The following MNAT1 variants were observed in gnomAD, a reference collection of about 807,000 sequenced individuals.
The protein encoded by MNAT1 is CDK-activating kinase assembly factor MAT1.
A neutral mutation model predicts 42.0 loss-of-function variants in MNAT1; 43 were observed. The ratio of observed to expected loss-of-function variants is 1.02; its 90% CI spans 0.80 to 1.32. The LOEUF is 1.32. Ranked by LOEUF, MNAT1 falls within the 40% of genes most tolerant of loss-of-function variation. MNAT1 has a pLI of 0.00. For synonymous variants in MNAT1, 118 were observed against 120.0 expected (o/e 0.98, Z 0.11); for missense variants, 306 against 350.4 (o/e 0.87, Z 1.01).
Position 60,756,617 on chromosome 14 carries a change from T to C in MNAT1, c.89+21666T>C, listed in dbSNP as rs568432032. Among the ~76,000 whole-genome samples the C allele has an allele frequency of 3.3e-5, 5 of 152,258 alleles. No individual in the cohort carries two copies. In the East Asian group the frequency reaches 9.6e-4, roughly 29 times the overall value. ...GAACTTCTGCCAACTGGAAATCAAT[T>C]AAAATGAAAATAAAGCAAGTATAAA... On this transcript the variant is annotated intron_variant, in intron 1 of 7. Coordinates refer to ENST00000261245, the MANE Select transcript of MNAT1 (RefSeq NM_002431.4).
chr14:60,907,406 C>T (rs1490906119), intron 7 of MNAT1, among the ~76,000 whole-genome samples: 1 of 142,858 alleles, frequency 7.0e-6, no homozygotes, highest in East Asian at 2.1e-4. Flanking sequence ...GCACTCCAGC[C>T]TGTGTGACAG....
chr14:60,764,960 T>G (rs1158799928), intron 1 of MNAT1, among the ~76,000 whole-genome samples: 1 of 152,094 alleles, frequency 6.6e-6, no homozygotes, highest in Non-Finnish European at 1.5e-5. Context: ...GACCAGAGTT[T>G]GGAATATAGG....
intron 1 of MNAT1, among the ~76,000 whole-genome samples, chr14:60,789,460 A>G (rs1234649483): frequency 6.6e-6 from 1 of 152,208 alleles, no homozygotes; most frequent in Non-Finnish European, 1.5e-5. Context: ...GACTCATTCC[A>G]TGGCAGCGTT....
intron 1 of MNAT1, among the ~76,000 whole-genome samples, chr14:60,737,914 T>G (rs1286738893): frequency 2.7e-5 from 4 of 150,574 alleles, no homozygotes; most frequent in African/African-American, 9.8e-5. Context: ...AGTGGCGCAA[T>G]CTCGGCTCAC....
chr14:60,735,500 A>G (rs1435157528), intron 1 of MNAT1, among the ~76,000 whole-genome samples: 2 of 152,186 alleles, frequency 1.3e-5, no homozygotes, highest in African/African-American at 4.8e-5. Flanking sequence ...AGATATAATA[A>G]TGGCTGGCAT....
intron 7 of MNAT1, among the ~76,000 whole-genome samples, chr14:60,889,810 C>T (rs1214365753): frequency 1.3e-5 from 2 of 152,176 alleles, no homozygotes; most frequent in South Asian, 4.1e-4. Context: ...AGACACTTCT[C>T]AAAAGAAGAC....
chr14:60,950,694 A>G (rs1327145031), intron 7 of MNAT1, among the ~76,000 whole-genome samples: 1 of 152,176 alleles, frequency 6.6e-6, no homozygotes, highest in African/African-American at 2.4e-5. Flanking sequence ...GGGAAGCCAA[A>G]AGATTGGACA....
chr14:60,839,500 C>T (rs1296849208), intron 6 of MNAT1, among the ~76,000 whole-genome samples: 1 of 152,194 alleles, frequency 6.6e-6, no homozygotes, highest in Non-Finnish European at 1.5e-5. Flanking sequence ...GGGATAAAAA[C>T]TCTGGACCAG....
intron 7 of MNAT1, among the ~76,000 whole-genome samples, chr14:60,907,462 G>C (rs1036511688): frequency 7.1e-6 from 1 of 139,970 alleles, no homozygotes; most frequent in Non-Finnish European, 1.5e-5. Context: ...AAAAGATGAA[G>C]AAACAGAACT....
rs78104565 is a variant in MNAT1 at position 60,968,432 on chromosome 14, G to A, written c.*83G>A. The stretch of plus-strand genomic sequence containing the variant: ...ACTTATAAAATTATAGCTATGTGCA[G>A]CTGCACAACACAGTCCTTCCACTAG... On this transcript the variant is annotated 3_prime_UTR_variant, in exon 8 of 8. Coordinates refer to ENST00000261245, the MANE Select transcript of MNAT1 (RefSeq NM_002431.4). 1.5e-5 allele frequency: 23 copies of A among 1,549,722 alleles called. No individual in the cohort carries two copies. The highest frequency in any genetic ancestry group is 1.5e-5 in the Non-Finnish European group (17 of 1,150,822).
intron 1 of MNAT1, among the ~76,000 whole-genome samples, chr14:60,772,572 G>C (rs1345572622): frequency 6.9e-6 from 1 of 145,666 alleles, no homozygotes; most frequent in Non-Finnish European, 1.5e-5. Context: ...CACCAGCCTG[G>C]ACAAGAGTGA....
At chr14:60,799,132 A>G in intron 3 of MNAT1, 1 of 521,006 alleles carries the variant, frequency 1.9e-6, no homozygotes, top group East Asian at 1.5e-4. Context: ...GTCTAAGTTC[A>G]TTTGTTATGC....
At chr14:60,927,171 C>G (rs1391217354) in intron 7 of MNAT1, among the ~76,000 whole-genome samples, 2 of 152,134 alleles carry the variant, frequency 1.3e-5, no homozygotes, top group Non-Finnish European at 2.9e-5. Flanking sequence ...AGATACATCT[C>G]CTTTATCAGA....
chr14:60,836,811 C>G (rs1025928000), intron 6 of MNAT1, among the ~76,000 whole-genome samples: 1 of 152,176 alleles, frequency 6.6e-6, no homozygotes, highest in Non-Finnish European at 1.5e-5. Context: ...CAGGCAGGAA[C>G]GTTTATGTCT....
intron 7 of MNAT1, among the ~76,000 whole-genome samples, chr14:60,931,073 T>G (rs1001390267): frequency 2.0e-5 from 3 of 152,090 alleles, no homozygotes; most frequent in African/African-American, 4.8e-5. Context: ...AGTGCCAAAA[T>G]AAGAGAGTTG....
intron 7 of MNAT1, 55 bp downstream of exon 7, chr14:60,879,890 G>C (rs1566531083): frequency 2.6e-6 from 4 of 1,557,656 alleles, no homozygotes; most frequent in African/African-American, 1.4e-5. Flanking sequence ...ACTTATTGCT[G>C]TTCTTAACTG....
chr14:60,862,716 A>C (rs1210169054), intron 6 of MNAT1, among the ~76,000 whole-genome samples: 1 of 152,208 alleles, frequency 6.6e-6, no homozygotes, highest in Non-Finnish European at 1.5e-5. Flanking sequence ...AGAACCTTCA[A>C]ATATATTTTT....
intron 7 of MNAT1, among the ~76,000 whole-genome samples, chr14:60,963,408 A>G (rs899161074): frequency 6.6e-6 from 1 of 152,252 alleles, no homozygotes; most frequent in African/African-American, 2.4e-5. Flanking sequence ...TTATTCTGGT[A>G]CTGTGCTTAG....
At chr14:60,747,439 G>T (rs1451778244) in intron 1 of MNAT1, among the ~76,000 whole-genome samples, 1 of 152,160 alleles carries the variant, frequency 6.6e-6, no homozygotes, top group African/African-American at 2.4e-5. Context: ...CTAGGCTACA[G>T]GTCTGTATAG....
Sources: gnomAD v4.1 joint callset for allele counts (sites outside exome capture counted in the v4.1 genomes callset) on GRCh38, gnomAD v4.1.1 for gene constraint, MANE v1.5 for transcripts, NCBI Gene and HGNC (gene_info 2026-07-23, HGNC 2026-07-21) for gene names.